The following BTD variants were observed in gnomAD, a reference collection of about 807,000 sequenced individuals.
The protein encoded by BTD is biocytinase.
BTD carries 13 observed loss-of-function variants against 17.7 expected under a neutral mutation model. That is an observed-to-expected ratio of 0.74 (90% CI 0.48 to 1.17). The LOEUF is 1.17. BTD is among the 50% of genes most tolerant of loss of function. BTD has a pLI of 0.00. For missense variants in BTD, 674 were observed against 650.4 expected, an observed-to-expected ratio of 1.04 and a Z score of -0.39; for synonymous variants, 240 against 245.2, an observed-to-expected ratio of 0.98 and a Z score of 0.20.
chr3:15,677,517 T>A, intron 3 of BTD: 1 of 1,613,148 alleles, frequency 6.2e-7, no homozygotes, highest in East Asian at 2.2e-5. Flanking sequence ...ATTTTTACTG[T>A]TATCTTGTAA....
intron 1 of BTD, among the ~76,000 whole-genome samples, chr3:15,619,259 T>C (rs1025484958): frequency 5.3e-5 from 8 of 152,236 alleles, no homozygotes; most frequent in Non-Finnish European, 8.8e-5. Context: ...ATGGGTATTG[T>C]ACTTCGTCAA....
At chr3:15,711,429 A>T (rs1282147902) in exon 4 of BTD, among the ~76,000 whole-genome samples, 2 of 152,228 alleles carry the variant, frequency 1.3e-5, no homozygotes, top group Non-Finnish European at 2.9e-5. Context: ...GCAATAGGAT[A>T]CAATGGAGTA....
At position 15,683,292 on chromosome 3, in the gene BTD, C is replaced by T. The variant is rs530288368; in HGVS notation, c.400-26768C>T. On this transcript the variant is annotated intron_variant, in intron 3 of 3. Coordinates refer to the BTD transcript ENST00000672141. ...ACTCACAATTGTAGATATTTTCCCACTATATTAGATATTTTGGGTTTTCCT... is the reference window on the plus strand; with the variant it reads ...ACTCACAATTGTAGATATTTTCCCATTATATTAGATATTTTGGGTTTTCCT... Among the ~76,000 whole-genome samples the T allele has an allele frequency of 4.6e-5, 7 of 152,260 alleles. No homozygotes were observed. The South Asian group carries it at 1.5e-3, about 32-fold the overall frequency.
chr3:15,618,488 A>G (rs113080793), intron 1 of BTD, among the ~76,000 whole-genome samples: 1 of 152,154 alleles, frequency 6.6e-6, no homozygotes, highest in Non-Finnish European at 1.5e-5. Flanking sequence ...AATATTTCAT[A>G]TGTAGGGTAC....
rs2065680226 is a variant in BTD at position 15,645,777 on chromosome 3, G to C, written c.*289G>C. ...TCTCTCAGTATGCGATTGGTCTCAA[G>C]CTAAAACAAAAATAAATGTCAGTTT... On this transcript the variant is annotated 3_prime_UTR_variant, in exon 4 of 4. Transcript: ENST00000643237. The C allele has an allele frequency of 3.0e-6, 1 of 335,690 alleles. No individual in the cohort carries two copies. Among genetic ancestry groups the C allele is most frequent in the Non-Finnish European group, 5.4e-6 (1 of 183,692 alleles). The allele number at this position is 335,690 out of a possible 1,614,324, so 20.8% of individuals were successfully genotyped here.
At chr3:15,663,545 T>C (rs1229005022) in intron 3 of BTD, among the ~76,000 whole-genome samples, 1 of 152,192 alleles carries the variant, frequency 6.6e-6, no homozygotes, top group Non-Finnish European at 1.5e-5. Flanking sequence ...TTTCTTCTTG[T>C]GTACATTTTG....
At chr3:15,715,670 A>G (rs1559393412), downstream of BTD, among the ~76,000 whole-genome samples, 1 of 152,182 alleles carries the variant, frequency 6.6e-6, no homozygotes, top group Non-Finnish European at 1.5e-5. Context: ...TACCACAAGC[A>G]AGATTTTTGG....
At chr3:15,712,758 A>G (rs1216883242) in exon 4 of BTD, among the ~76,000 whole-genome samples, 1 of 152,224 alleles carries the variant, frequency 6.6e-6, no homozygotes, top group Non-Finnish European at 1.5e-5. Context: ...TCTTTATACA[A>G]TAATTCTATA....
chr3:15,711,201 A>G (rs951350930), exon 4 of BTD: 4 of 1,607,336 alleles, frequency 2.5e-6, no homozygotes, highest in African/African-American at 1.3e-5. Context: ...TAAAAATACT[A>G]TTAACATACC....
At chr3:15,697,173 T>C (rs2069719576) in intron 3 of BTD, 1 of 152,156 alleles carries the variant, frequency 6.6e-6, no homozygotes, top group Non-Finnish European at 1.5e-5. Flanking sequence ...TTATTCTAAG[T>C]GAAGCAATTC....
At chr3:15,644,227 C>G in intron 3 of BTD, 89 bp from the exon 4 acceptor site, 2 of 1,373,382 alleles carry the variant, frequency 1.5e-6, no homozygotes, top group Non-Finnish European at 2.0e-6. Context: ...GTCTCAATCT[C>G]CTGACCTCAT....
chr3:15,709,777 G>T, intron 3 of BTD: 2 of 1,344,424 alleles, frequency 1.5e-6, no homozygotes, highest in Non-Finnish European at 2.0e-6. Flanking sequence ...AATTGACAGT[G>T]ATTTTATAAT....
At chr3:15,716,954 T>G (rs967224147), downstream of BTD, among the ~76,000 whole-genome samples, 3 of 152,138 alleles carry the variant, frequency 2.0e-5, no homozygotes, top group Non-Finnish European at 2.9e-5. Flanking sequence ...AGAGTGAGAT[T>G]CTGTCTCCCC....
At chr3:15,706,650 T>C (rs1447689452) in intron 3 of BTD, among the ~76,000 whole-genome samples, 1 of 152,162 alleles carries the variant, frequency 6.6e-6, no homozygotes, top group East Asian at 1.9e-4. Context: ...TTCTAGATCC[T>C]TGATGAATCG....
chr3:15,715,639 A>G (rs959031866), downstream of BTD, among the ~76,000 whole-genome samples: 3 of 152,216 alleles, frequency 2.0e-5, no homozygotes, highest in African/African-American at 7.2e-5. Context: ...TAACCTAAGC[A>G]TGAATCTCAG....
Position 15,694,823 on chromosome 3 carries a change from A to AAG in BTD, c.400-15234_400-15233dup, listed in dbSNP as rs2069299867. On this transcript the variant is annotated intron_variant, in intron 3 of 3. Coordinates refer to the BTD transcript ENST00000672141. The stretch of plus-strand genomic sequence containing the variant: ...CTGAGGTTTCCATTAACTGAAAAAG[A>AAG]AGAGGCATTTTAAATGTCAGAAAGA... The AAG allele has an allele frequency of 2.5e-6, 4 of 1,612,506 alleles. No homozygotes were observed. The African/African-American group carries it at 5.3e-5, about 22-fold the overall frequency.
intron 3 of BTD, among the ~76,000 whole-genome samples, chr3:15,698,575 A>G (rs1416540386): frequency 1.3e-5 from 2 of 152,206 alleles, no homozygotes; most frequent in Non-Finnish European, 2.9e-5. Context: ...CGAAAATCAC[A>G]AAGATTCCCA....
intron 4 of BTD, chr3:15,720,949 A>G (rs376636130): frequency 5.6e-6 from 9 of 1,613,604 alleles, no homozygotes; most frequent in Middle Eastern, 1.6e-4. Flanking sequence ...GCCAACTAGA[A>G]GCTCTAAACA....
At chr3:15,661,386 C>G (rs1299628190) in intron 3 of BTD, among the ~76,000 whole-genome samples, 1 of 151,546 alleles carries the variant, frequency 6.6e-6, no homozygotes, top group South Asian at 2.1e-4. Flanking sequence ...GTTGTGGCAT[C>G]TCATTTTGTT....
Sources: gnomAD v4.1 joint callset for allele counts (sites outside exome capture counted in the v4.1 genomes callset) on GRCh38, gnomAD v4.1.1 for gene constraint, MANE v1.5 for transcripts, NCBI Gene and HGNC (gene_info 2026-07-23, HGNC 2026-07-21) for gene names.